Variants in CASZ1 observed in about 807,000 individuals in gnomAD.
The protein encoded by CASZ1 is castor zinc finger 1, also known as zinc finger protein castor homolog 1.
CASZ1 carries 28 observed loss-of-function variants against 135.2 expected under a neutral mutation model. That is an observed-to-expected ratio of 0.21 (90% confidence interval 0.15 to 0.28). CASZ1 has a LOEUF of 0.28. Ranked by LOEUF, CASZ1 falls within the 10% of genes least tolerant of loss-of-function variation. CASZ1 has a pLI of 1.00. For synonymous variants in CASZ1, 1,068 were observed against 1,073.4 expected, an observed-to-expected ratio of 0.99 and a Z score of 0.10; for missense variants, 2,161 against 2,453.3, an observed-to-expected ratio of 0.88 and a Z score of 2.52.
At chr1:10,682,171 G>A (rs1638443883) in intron 4 of CASZ1, among the ~76,000 whole-genome samples, 1 of 152,174 alleles carries the variant, frequency 6.6e-6, no homozygotes, top group African/African-American at 2.4e-5. Flanking sequence ...ACAACACACA[G>A]GGACAGCCAC....
At chr1:10,753,804 G>T (rs943885629) in intron 2 of CASZ1, among the ~76,000 whole-genome samples, 1 of 152,164 alleles carries the variant, frequency 6.6e-6, no homozygotes. Context: ...CCTGTGAGAG[G>T]CGGAGTCGGT....
At position 10,636,830 on chromosome 1, in the gene CASZ1, C is replaced by G. The variant is rs1252011981; in HGVS notation, c.*2112G>C. 6.6e-6 allele frequency: 1 copy of G among 151,904 alleles called. No individual in the cohort carries two copies. The highest frequency in any genetic ancestry group is 1.5e-5 in the Non-Finnish European group (1 of 67,922). The allele number at this position is 151,904 out of a possible 1,614,324, so 9.4% of individuals were successfully genotyped here. A position where few individuals can be genotyped will look rare whatever the true frequency, so the allele number is the denominator to read the frequency against. On this transcript the variant is annotated 3_prime_UTR_variant, in exon 21 of 21. Transcript: ENST00000377022. ...TTCACGTTCTGTATTTTTTTTGTCT[C>G]AAAACCTCTCTATATATCTCTATAT...
In CASZ1 at chr1:10,777,236, G is replaced by A. The variant is rs530740426; in HGVS notation, c.-233-16379C>T. On this transcript the variant is annotated intron_variant, in intron 1 of 20. Transcript: ENST00000377022. The surrounding 1 kb of genome is among the most constrained non-coding windows in gnomAD (Gnocchi z 4.4). Reference sequence around the variant, plus strand: ...GTGTCTCTGAGCCCACCCGAGCCTCGGAAGCTCAGCTGGGAATCTGTTCCT... The same window carrying A: ...GTGTCTCTGAGCCCACCCGAGCCTCAGAAGCTCAGCTGGGAATCTGTTCCT... 6.6e-6 allele frequency among the ~76,000 whole-genome samples: 1 copy of A among 152,232 alleles called. No homozygotes were observed. Among genetic ancestry groups the A allele is most frequent in the South Asian group, 2.1e-4 (1 of 4,814 alleles).
In CASZ1 at chr1:10,694,680, TCGCGCCCCCGCCG is replaced by T. The variant is rs573848929; in HGVS notation, c.-23-781_-23-769del. ...CCGGAGTGAATGGGCTCGCGCTCGC[TCGCGCCCCCGCCG>T]CGCGCCCCCGCCGCGCGCGCCCGCG... is the stretch of plus-strand genomic sequence containing the variant. On this transcript the variant is annotated intron_variant, in intron 3 of 20. Transcript: ENST00000377022. The surrounding 1 kb of genome is among the most constrained non-coding windows in gnomAD (Gnocchi z 6.6). 0.039 allele frequency among the ~76,000 whole-genome samples: 5,382 copies of T among 138,384 alleles called. 115 individuals are homozygous for T. The highest frequency in any genetic ancestry group is 0.12 in the Middle Eastern group (29 of 246). 90.8% of individuals were successfully genotyped at this position (138,384 alleles called of 152,430 possible).
chr1:10,651,001 G>A lies in CASZ1; in HGVS notation c.2756C>T (p.Ala919Val), dbSNP rs1249622948. The A allele has an allele frequency of 1.3e-6, 2 of 1,574,046 alleles. No individual in the cohort carries two copies. The highest frequency in any genetic ancestry group is 1.7e-6 in the Non-Finnish European group (2 of 1,169,186). Residue 919 changes from alanine (A) to valine (V), a missense_variant, in exon 12 of 21, where the codon GCC becomes GTC. By Grantham distance (64) the Ala-to-Val change is moderately conservative (BLOSUM62 0). This residue lies in a region of CASZ1 where 406 missense variants were observed against 387.6 expected (regional missense o/e 1.05). Coordinates refer to ENST00000377022, the MANE Select transcript of CASZ1 (RefSeq NM_001079843.3). ...CTGGGAGGCTTCGTGGGGGCCTGGG[G>A]CGCCGGTGCTCTCACCGGGTTCCGG... The part of the protein sequence containing the change: ...VKPEPGESTG[A>V]PGPHEASQDR...
In CASZ1 at chr1:10,747,507, C is replaced by T. The variant is rs576421589; in HGVS notation, c.-77+13194G>A. 4.6e-5 allele frequency among the ~76,000 whole-genome samples: 7 copies of T among 152,340 alleles called. No homozygotes were observed. In the South Asian group the frequency reaches 1.5e-3, roughly 32 times the overall value. On this transcript the variant is annotated intron_variant, in intron 2 of 20. Coordinates refer to ENST00000377022, the MANE Select transcript of CASZ1 (RefSeq NM_001079843.3). This position sits in a 1 kb window ranked among gnomAD's most constrained non-coding sequence, Gnocchi z 4.3. ...CCCTGGAGTAGAACACATCTCAGCA[C>T]ACCTCCAGTGAGTGAGCAGAAGCTG... is the stretch of plus-strand genomic sequence containing the variant.
intron 3 of CASZ1, among the ~76,000 whole-genome samples, chr1:10,702,861 C>T (rs529492115): frequency 6.6e-5 from 10 of 152,082 alleles, no homozygotes; most frequent in South Asian, 4.2e-4. Context: ...TGCACGATGC[C>T]GGGGAAATCC....
rs1171414241 is a variant in CASZ1 at position 10,701,488 on chromosome 1, C to T, written c.-24+4004G>A. On this transcript the variant is annotated intron_variant, in intron 3 of 20. Coordinates refer to ENST00000377022, the MANE Select transcript of CASZ1 (RefSeq NM_001079843.3). The surrounding 1 kb of genome is among the most constrained non-coding windows in gnomAD (Gnocchi z 6.3). ...ATGGGAAGGACTTAGGTCCAGCCCC[C>T]TCTCGCCAAAGCTCGCCCTTCAGAG... Among the ~76,000 whole-genome samples, 2 of 152,170 alleles carry T rather than the reference C, an allele frequency of 1.3e-5. No individual in the cohort carries two copies. The highest frequency in any genetic ancestry group is 2.9e-5 in the Non-Finnish European group (2 of 68,032).
At position 10,721,626 on chromosome 1, in the gene CASZ1, C is replaced by CG. The variant is rs1286307075; in HGVS notation, c.-76-16083dup. Among the ~76,000 whole-genome samples the CG allele has an allele frequency of 6.6e-6, 1 of 152,160 alleles. No individual in the cohort carries two copies. Among genetic ancestry groups the CG allele is most frequent in the South Asian group, 2.1e-4 (1 of 4,834 alleles). ...GTGGCCCCCTTGCCATCAGAGCCCA[C>CG]GGGGGGCTGGACGAGGGTGGAGGGT... is the stretch of plus-strand genomic sequence containing the variant. On this transcript the variant is annotated intron_variant, in intron 2 of 20. Transcript: ENST00000377022. The surrounding 1 kb of genome is among the most constrained non-coding windows in gnomAD (Gnocchi z 5.4).
At chr1:10,728,821 C>T (rs532903738) in intron 2 of CASZ1, among the ~76,000 whole-genome samples, 3 of 151,852 alleles carry the variant, frequency 2.0e-5, no homozygotes, top group Non-Finnish European at 2.9e-5. Context: ...AGTGCCTGGC[C>T]GGCGCTTGAA....
intron 4 of CASZ1, among the ~76,000 whole-genome samples, chr1:10,680,243 G>C (rs7545227): frequency 0.36 from 54,207 of 149,764 alleles, 11,473 homozygotes; most frequent in Non-Finnish European, 0.46. Flanking sequence ...CGATGCTGCC[G>C]GAGGGCTCCG....
intron 2 of CASZ1, 141 bp downstream of exon 2, chr1:10,760,560 G>A (rs960535667): frequency 6.6e-6 from 1 of 152,282 alleles, no homozygotes; most frequent in Non-Finnish European, 1.5e-5. Context: ...TTCACTGATG[G>A]TGCTTAAGCT....
chr1:10,641,327 G>C (rs1335524703), intron 20 of CASZ1, among the ~76,000 whole-genome samples: 2 of 152,242 alleles, frequency 1.3e-5, no homozygotes, highest in African/African-American at 2.4e-5. Flanking sequence ...TCCCTGAGGA[G>C]GGGGAGGCTC....
rs1222055800 is a variant in CASZ1, at chr1:10,697,514, C to A, written c.-23-3602G>T. 6.6e-6 allele frequency among the ~76,000 whole-genome samples: 1 copy of A among 152,076 alleles called. No homozygotes were observed. The highest frequency in any genetic ancestry group is 2.4e-5 in the African/African-American group (1 of 41,402). On this transcript the variant is annotated intron_variant, in intron 3 of 20. Transcript: ENST00000377022. The surrounding 1 kb of genome is among the most constrained non-coding windows in gnomAD (Gnocchi z 4.7). ...TGGAAGGCAACCCAGCGGTTCCCCC[C>A]AACCCAGGCTCCCCACATCAGCACC...
In CASZ1 at chr1:10,728,863, C is replaced by T. The variant is rs576416661; in HGVS notation, c.-76-23319G>A. Among the ~76,000 whole-genome samples, 13 of 152,244 alleles carry T rather than the reference C, an allele frequency of 8.5e-5. 1 individual carries two copies. The South Asian group carries it at 2.5e-3, about 29-fold the overall frequency. On this transcript the variant is annotated intron_variant, in intron 2 of 20. Transcript: ENST00000377022. ...ATAAAGAGTTGCTGGTGAGTCCCCT[C>T]GCTGGGCCGGGCCCAGCACACGGGG...
rs1021662395 is a variant in CASZ1 at position 10,756,025 on chromosome 1, C to T, written c.-77+4676G>A. ...AAAACCTCCCACGCGTGCACAGATG[C>T]ACACGCCTCCCACCCGGACACACCC... On this transcript the variant is annotated intron_variant, in intron 2 of 20. Transcript: ENST00000377022. The surrounding 1 kb of genome is among the most constrained non-coding windows in gnomAD (Gnocchi z 5.9). Among the ~76,000 whole-genome samples the T allele has an allele frequency of 5.9e-5, 9 of 152,182 alleles. No individual in the cohort carries two copies. Among genetic ancestry groups the T allele is most frequent in the Admixed American group, 2.0e-4 (3 of 15,282 alleles).
intron 6 of CASZ1, 77 bp from the exon 7 acceptor site, chr1:10,658,653 C>G: frequency 7.5e-7 from 1 of 1,333,136 alleles, no homozygotes; most frequent in Non-Finnish European, 1.1e-6. Flanking sequence ...GGTGGGCAGC[C>G]CCTGCCCTGA....
In CASZ1 at chr1:10,694,582, GCCCCGC is replaced by G. The variant is rs1349071863; in HGVS notation, c.-23-676_-23-671del. 6.2e-5 allele frequency: 7 copies of G among 113,172 alleles called. No individual in the cohort carries two copies. Among genetic ancestry groups the G allele is most frequent in the African/African-American group, 2.9e-4 (7 of 24,200 alleles). The allele number at this position is 113,172 out of a possible 1,614,324, so 7.0% of individuals were successfully genotyped here. On this transcript the variant is annotated intron_variant, in intron 3 of 20. Transcript: ENST00000377022. The surrounding 1 kb of genome is among the most constrained non-coding windows in gnomAD (Gnocchi z 6.6). Reference sequence around the variant, plus strand: ...CCGGCAGGTGAAAGAGCAGAGCGCGGCCCCGCCGCCGCCGCCGCCGCCGCCGCCGCC... The same window carrying G: ...CCGGCAGGTGAAAGAGCAGAGCGCGGCGCCGCCGCCGCCGCCGCCGCCGCC...
At chr1:10,746,102 T>C (rs1411452781) in intron 2 of CASZ1, among the ~76,000 whole-genome samples, 1 of 152,218 alleles carries the variant, frequency 6.6e-6, no homozygotes, top group Non-Finnish European at 1.5e-5. Flanking sequence ...GTCGTCATCA[T>C]AGAGTGGCCT....
Sources: allele counts gnomAD v4.1 joint callset (sites outside exome capture counted in the v4.1 genomes callset), GRCh38; gene constraint gnomAD v4.1.1; regional missense constraint gnomAD v4.1.1; non-coding constraint Gnocchi (gnomAD v3.1); transcripts MANE v1.5; gene names NCBI Gene and HGNC (gene_info 2026-07-23, HGNC 2026-07-21).